The following HTR1A variants were observed in gnomAD, a reference collection of about 807,000 sequenced individuals.
HTR1A encodes the protein 5-HT1a receptor.
A neutral mutation model predicts 24.6 loss-of-function variants in HTR1A; 17 were observed. The observed-to-expected ratio is 0.69, with a 90% CI of 0.47 to 1.04. The LOEUF is 1.04. Ranked by LOEUF, HTR1A falls within the 50% of genes least tolerant of loss-of-function variation. The probability of loss-of-function intolerance (pLI) is 0.00; values close to 1 mark genes in which losing one functional copy is unlikely to be tolerated. For synonymous variants in HTR1A, 262 were observed against 244.6 expected, an observed-to-expected ratio of 1.07 and a Z score of -0.67; for missense variants, 515 against 565.1, an observed-to-expected ratio of 0.91 and a Z score of 0.90.
Position 63,961,103 on chromosome 5 carries a change from A to T in HTR1A, c.617T>A (p.Ile206Asn), listed in dbSNP as rs1474599448. The change falls in exon 1 of 1, where the codon ATC (isoleucine) becomes AAC (asparagine). Residue 206 changes from isoleucine to asparagine, a missense_variant. By Grantham distance (149) the Ile-to-Asn change is moderately radical (BLOSUM62 -3). This residue lies in a region of HTR1A where 381 missense variants were observed against 384.5 expected (regional missense o/e 0.99). Transcript: ENST00000323865. ...GAGAACCAGCATGAGCAGCAGCGGG[A>T]TGTAGAAAGCTCCAAAGGTGGAATA... ...TIYSTFGAFY[I>N]PLLLMLVLYG... 1 of 1,614,206 alleles carries T rather than the reference A, an allele frequency of 6.2e-7. No homozygotes were observed. The highest frequency in any genetic ancestry group is 8.5e-7 in the Non-Finnish European group (1 of 1,180,050).
At position 63,961,151 on chromosome 5, in the gene HTR1A, C is replaced by CTAA; in HGVS notation, c.566_568dup (p.Ile189dup). The CTAA allele has an allele frequency of 6.2e-7, 1 of 1,614,234 alleles. No homozygotes were observed. Among genetic ancestry groups the CTAA allele is most frequent in the Non-Finnish European group, 8.5e-7 (1 of 1,180,048 alleles). ...ATAGATAGTGTAGCCATGATCCTTG[C>CTAA]TAATGGTGCATGCGTCGGGGTCCGA... On this transcript the variant is annotated inframe_insertion, in exon 1 of 1. Transcript: ENST00000323865.
Position 63,961,728 on chromosome 5 carries a change from G to A in HTR1A, c.-9C>T, listed in dbSNP as rs1014744726. ...GGGCTGAGCACATCCATGCCTGCGC[G>A]CCCGGCGCGGGAAGGGGGAGGGAAG... is the stretch of plus-strand genomic sequence containing the variant. On this transcript the variant is annotated 5_prime_UTR_variant, in exon 1 of 1. Coordinates refer to ENST00000323865, the MANE Select transcript of HTR1A (RefSeq NM_000524.4). 1.2e-6 allele frequency: 2 copies of A among 1,613,602 alleles called. No homozygotes were observed. The highest frequency in any genetic ancestry group is 1.7e-6 in the Non-Finnish European group (2 of 1,180,002).
Position 63,960,248 on chromosome 5 carries a change from C to G in HTR1A, c.*203G>C. 1 of 638,752 alleles carries G rather than the reference C, an allele frequency of 1.6e-6. No individual in the cohort carries two copies. Among genetic ancestry groups the G allele is most frequent in the East Asian group, 2.6e-5 (1 of 37,844 alleles). 39.6% of individuals were successfully genotyped at this position (638,752 alleles called of 1,614,324 possible). A position where few individuals can be genotyped will look rare whatever the true frequency, so the allele number is the denominator to read the frequency against. ...CTCTGAATTTCCTGGGCTCTCAACGCTCCTCCGCTGGGTCTCCTTTGCACA... is the reference window on the plus strand; with the variant it reads ...CTCTGAATTTCCTGGGCTCTCAACGGTCCTCCGCTGGGTCTCCTTTGCACA... On this transcript the variant is annotated 3_prime_UTR_variant, in exon 1 of 1. Transcript: ENST00000323865.
chr5:63,959,449 G>C lies in HTR1A; in HGVS notation c.*1002C>G, dbSNP rs1746378353. On this transcript the variant is annotated 3_prime_UTR_variant, in exon 1 of 1. Transcript: ENST00000323865. ...CGCGCTGCGAGAGCACAGATGGCTG[G>C]GGAGGCGCGCGGATTCCAGGCCTCT... is the stretch of plus-strand genomic sequence containing the variant. Among the ~76,000 whole-genome samples, 1 of 152,254 alleles carries C rather than the reference G, an allele frequency of 6.6e-6. No homozygotes were observed. Among genetic ancestry groups the C allele is most frequent in the Non-Finnish European group, 1.5e-5 (1 of 68,046 alleles).
rs773798607 is a variant in HTR1A, at chr5:63,961,750, G to C, written c.-31C>G. 6.2e-7 allele frequency: 1 copy of C among 1,612,492 alleles called. No homozygotes were observed. On this transcript the variant is annotated 5_prime_UTR_variant, in exon 1 of 1. Transcript: ENST00000323865. The stretch of plus-strand genomic sequence containing the variant: ...CGCGCCCGGCGCGGGAAGGGGGAGG[G>C]AAGAAAAAGCAGCGCGAAGATTCGC...
In HTR1A at chr5:63,960,926, A is replaced by T; in HGVS notation, c.794T>A (p.Leu265Gln). 6.2e-7 allele frequency: 1 copy of T among 1,614,034 alleles called. No individual in the cohort carries two copies. Among genetic ancestry groups the T allele is most frequent in the East Asian group, 2.2e-5 (1 of 44,832 alleles). Residue 265 changes from leucine (L) to glutamine (Q), a missense_variant, in exon 1 of 1, where the codon CTG (leucine) becomes CAG (glutamine). Physicochemically the swap from Leu to Gln is moderately radical, Grantham distance 113 (BLOSUM62 -2). Transcript: ENST00000323865. ...NGESGSRNWR[L>Q]GVESKAGGAL... Reference sequence around the variant, plus strand: ...ACCCCCAGCCTTGCTCTCCACGCCCAGCCTCCAGTTCCTGCTCCCCGACTC... The same window carrying T: ...ACCCCCAGCCTTGCTCTCCACGCCCTGCCTCCAGTTCCTGCTCCCCGACTC...
At position 63,962,288 on chromosome 5, in the gene HTR1A, C is replaced by A. The variant is rs144302912; in HGVS notation, c.-569G>T. ...TCCTCCTCACTTCCCTTTATTTATC[C>A]CTCTGTGAGTCGCTTCGAAAGCCAG... On this transcript the variant is annotated 5_prime_UTR_variant, in exon 1 of 1. Coordinates refer to ENST00000323865, the MANE Select transcript of HTR1A (RefSeq NM_000524.4). 6.1e-4 allele frequency among the ~76,000 whole-genome samples: 92 copies of A among 152,016 alleles called. 1 individual carries two copies. Among genetic ancestry groups the A allele is most frequent in the Non-Finnish European group, 1.1e-3 (76 of 67,960 alleles).
Position 63,958,659 on chromosome 5 carries a change from G to T in HTR1A, c.*1792C>A, listed in dbSNP as rs1746359490. Among the ~76,000 whole-genome samples the T allele has an allele frequency of 6.6e-6, 1 of 152,200 alleles. No individual in the cohort carries two copies. The highest frequency in any genetic ancestry group is 2.4e-5 in the African/African-American group (1 of 41,446). On this transcript the variant is annotated 3_prime_UTR_variant, in exon 1 of 1. Coordinates refer to ENST00000323865, the MANE Select transcript of HTR1A (RefSeq NM_000524.4). ...TAGATCAAACAATGACAAACCTCTA[G>T]ATCTCCATCATGTAGTTGGAAATTT... is the stretch of plus-strand genomic sequence containing the variant.
Position 63,959,305 on chromosome 5 carries a change from G to T in HTR1A, c.*1146C>A, listed in dbSNP as rs1344681410. Reference sequence around the variant, plus strand: ...TGGTCTCTCCAATCCCAAGAGTTCCGCGGCATCTTGCGCCACTGGCTAAGG... The same window carrying T: ...TGGTCTCTCCAATCCCAAGAGTTCCTCGGCATCTTGCGCCACTGGCTAAGG... On this transcript the variant is annotated 3_prime_UTR_variant, in exon 1 of 1. Transcript: ENST00000323865. Among the ~76,000 whole-genome samples the T allele has an allele frequency of 1.3e-5, 2 of 152,200 alleles. No homozygotes were observed. The highest frequency in any genetic ancestry group is 2.9e-5 in the Non-Finnish European group (2 of 68,044).
chr5:63,959,837 G>A lies in HTR1A; in HGVS notation c.*614C>T, dbSNP rs983698839. Among the ~76,000 whole-genome samples the A allele has an allele frequency of 6.6e-6, 1 of 152,316 alleles. No individual in the cohort carries two copies. Among genetic ancestry groups the A allele is most frequent in the East Asian group, 1.9e-4 (1 of 5,164 alleles). On this transcript the variant is annotated 3_prime_UTR_variant, in exon 1 of 1. Coordinates refer to ENST00000323865, the MANE Select transcript of HTR1A (RefSeq NM_000524.4). ...ACGGGGAATCCCGGGGGCACCGCTG[G>A]CACGGGGAAAAGCAGCCTCTTCCGC... is the stretch of plus-strand genomic sequence containing the variant.
chr5:63,960,645 G>A lies in HTR1A; in HGVS notation c.1075C>T (p.Leu359=). 6.2e-7 allele frequency: 1 copy of A among 1,614,242 alleles called. No homozygotes were observed. Among genetic ancestry groups the A allele is most frequent in the Non-Finnish European group, 8.5e-7 (1 of 1,180,040 alleles). Reference sequence around the variant, plus strand: ...ACAAGAGCCACGATGAAGAAGGGCAGCCAGCAGAGGATGAAGGTGCCCATG... The same window carrying A: ...ACAAGAGCCACGATGAAGAAGGGCAACCAGCAGAGGATGAAGGTGCCCATG... ...IIMGTFILCW[L]PFFIVALVLP... The change falls in exon 1 of 1, where the codon CTG becomes TTG. Residue 359 remains leucine, a synonymous_variant. Coordinates refer to ENST00000323865, the MANE Select transcript of HTR1A (RefSeq NM_000524.4).
rs199667703 is a variant in HTR1A, at chr5:63,961,731, C to T, written c.-12G>A. On this transcript the variant is annotated 5_prime_UTR_variant, in exon 1 of 1. Transcript: ENST00000323865. ...CTGAGCACATCCATGCCTGCGCGCCCGGCGCGGGAAGGGGGAGGGAAGAAA... is the reference window on the plus strand; with the variant it reads ...CTGAGCACATCCATGCCTGCGCGCCTGGCGCGGGAAGGGGGAGGGAAGAAA... The T allele has an allele frequency of 9.3e-6, 15 of 1,613,582 alleles. No individual in the cohort carries two copies. The highest frequency in any genetic ancestry group is 6.7e-5 in the Admixed American group (4 of 60,016).
chr5:63,961,855 T>A lies in HTR1A; in HGVS notation c.-136A>T. 3.5e-6 allele frequency: 3 copies of A among 849,832 alleles called. No homozygotes were observed. The highest frequency in any genetic ancestry group is 5.8e-6 in the Non-Finnish European group (3 of 519,410). The allele number at this position is 849,832 out of a possible 1,614,324, so 52.6% of individuals were successfully genotyped here. ...GGAATGCAGAGACCCAAGCAGGAAGTTCTTACTGCTTCGGCGAAGGGTATC... is the reference window on the plus strand; with the variant it reads ...GGAATGCAGAGACCCAAGCAGGAAGATCTTACTGCTTCGGCGAAGGGTATC... On this transcript the variant is annotated 5_prime_UTR_variant, in exon 1 of 1. Coordinates refer to ENST00000323865, the MANE Select transcript of HTR1A (RefSeq NM_000524.4).
rs201776655 is a variant in HTR1A, at chr5:63,961,742, G to T, written c.-23C>A. The stretch of plus-strand genomic sequence containing the variant: ...CATGCCTGCGCGCCCGGCGCGGGAA[G>T]GGGGAGGGAAGAAAAAGCAGCGCGA... On this transcript the variant is annotated 5_prime_UTR_variant, in exon 1 of 1. Coordinates refer to ENST00000323865, the MANE Select transcript of HTR1A (RefSeq NM_000524.4). 67 of 1,613,294 alleles carry T rather than the reference G, an allele frequency of 4.2e-5. No individual in the cohort carries two copies. Among genetic ancestry groups the T allele is most frequent in the Non-Finnish European group, 5.2e-5 (61 of 1,179,740 alleles).
In HTR1A at chr5:63,958,687, A is replaced by C. The variant is rs1266921602; in HGVS notation, c.*1764T>G. On this transcript the variant is annotated 3_prime_UTR_variant, in exon 1 of 1. Coordinates refer to ENST00000323865, the MANE Select transcript of HTR1A (RefSeq NM_000524.4). The stretch of plus-strand genomic sequence containing the variant: ...CTCCATCATGTAGTTGGAAATTTAC[A>C]TCCAGAGTACCTAAATAACTTCCCT... Among the ~76,000 whole-genome samples, 1 of 152,258 alleles carries C rather than the reference A, an allele frequency of 6.6e-6. No homozygotes were observed. Among genetic ancestry groups the C allele is most frequent in the Non-Finnish European group, 1.5e-5 (1 of 68,056 alleles).
At position 63,961,745 on chromosome 5, in the gene HTR1A, G is replaced by T. The variant is rs200648621; in HGVS notation, c.-26C>A. 1 of 1,613,222 alleles carries T rather than the reference G, an allele frequency of 6.2e-7. No homozygotes were observed. On this transcript the variant is annotated 5_prime_UTR_variant, in exon 1 of 1. Transcript: ENST00000323865. ...GCCTGCGCGCCCGGCGCGGGAAGGG[G>T]GAGGGAAGAAAAAGCAGCGCGAAGA...
chr5:63,958,122 T>C lies in HTR1A; in HGVS notation c.*2329A>G, dbSNP rs1438827580. 3 of 152,252 alleles carry C rather than the reference T, an allele frequency of 2.0e-5. No homozygotes were observed. The highest frequency in any genetic ancestry group is 7.2e-5 in the African/African-American group (3 of 41,472). The allele number at this position is 152,252 out of a possible 1,614,324, so 9.4% of individuals were successfully genotyped here. On this transcript the variant is annotated 3_prime_UTR_variant, in exon 1 of 1. Coordinates refer to ENST00000323865, the MANE Select transcript of HTR1A (RefSeq NM_000524.4). ...TTTGGGGTTTGGATTATTTTAAATA[T>C]AGACTTTGTTCTTAAAATTTAGTGT...
Position 63,962,059 on chromosome 5 carries a change from G to T in HTR1A, c.-340C>A. The T allele has an allele frequency of 4.8e-6, 2 of 420,488 alleles. No homozygotes were observed. Among genetic ancestry groups the T allele is most frequent in the South Asian group, 4.3e-5 (2 of 46,342 alleles). 26.0% of individuals were successfully genotyped at this position (420,488 alleles called of 1,614,324 possible). A position where few individuals can be genotyped will look rare whatever the true frequency, so the allele number is the denominator to read the frequency against. On this transcript the variant is annotated 5_prime_UTR_variant, in exon 1 of 1. Coordinates refer to ENST00000323865, the MANE Select transcript of HTR1A (RefSeq NM_000524.4). The stretch of plus-strand genomic sequence containing the variant: ...CTTTGCCGCTCCCGAACTGGCTGCC[G>T]GAGCTGGAGTCTCCCCACTAGCAAA...
rs1191018744 is a variant in HTR1A, at chr5:63,960,857, G to T, written c.863C>A (p.Ala288Asp). Reference sequence around the variant, plus strand: ...GTGCACCTCGATCACCTCCAGGGCGGCGCCATCGTCACCTTGCCTCACCGC... The same window carrying T: ...GTGCACCTCGATCACCTCCAGGGCGTCGCCATCGTCACCTTGCCTCACCGC... ...NGAVRQGDDG[A>D]ALEVIEVHRV... Residue 288 changes from alanine to aspartate, a missense_variant, in exon 1 of 1, where the codon GCC becomes GAC. Transcript: ENST00000323865. 6.2e-7 allele frequency: 1 copy of T among 1,614,086 alleles called. No individual in the cohort carries two copies. Among genetic ancestry groups the T allele is most frequent in the Non-Finnish European group, 8.5e-7 (1 of 1,179,948 alleles).
Sources: gnomAD v4.1 joint callset for allele counts (sites outside exome capture counted in the v4.1 genomes callset) on GRCh38, gnomAD v4.1.1 for gene constraint, gnomAD v4.1.1 regional missense constraint, MANE v1.5 for transcripts, NCBI Gene and HGNC (gene_info 2026-07-23, HGNC 2026-07-21) for gene names.